The following ATF7IP variants were observed in gnomAD, a reference collection of about 807,000 sequenced individuals.
ATF7IP encodes the protein activating transcription factor 7-interacting protein 1.
A neutral mutation model predicts 106.4 loss-of-function variants in ATF7IP; 23 were observed. That is an observed-to-expected ratio of 0.22 (90% CI 0.16 to 0.31). ATF7IP has a LOEUF of 0.31. ATF7IP is among the 10% of genes least tolerant of loss of function. ATF7IP has a pLI of 1.00. For missense variants in ATF7IP, 1,334 were observed against 1,524.3 expected (o/e 0.88, Z 2.08); for synonymous variants, 542 against 539.0 (o/e 1.01, Z -0.08).
At chr12:14,443,552 A>G (rs566410378) in intron 5 of ATF7IP, among the ~76,000 whole-genome samples, 4 of 152,230 alleles carry the variant, frequency 2.6e-5, no homozygotes, top group Non-Finnish European at 4.4e-5. Context: ...CTGGTCATTC[A>G]TGGAAAAAAC....
intron 1 of ATF7IP, among the ~76,000 whole-genome samples, chr12:14,376,951 T>C (rs1020208709): frequency 1.3e-5 from 2 of 152,126 alleles, no homozygotes; most frequent in Admixed American, 6.6e-5. Context: ...GATGCAATTT[T>C]TGTTCCCTGT....
chr12:14,479,936 A>T (rs765781046), intron 12 of ATF7IP, among the ~76,000 whole-genome samples: 9 of 152,148 alleles, frequency 5.9e-5, no homozygotes, highest in Non-Finnish European at 1.0e-4. Context: ...AAAATTAGAT[A>T]TTTTGGAAGG....
intron 9 of ATF7IP, among the ~76,000 whole-genome samples, chr12:14,462,238 G>C (rs2136729921): frequency 6.6e-6 from 1 of 152,162 alleles, no homozygotes; most frequent in South Asian, 2.1e-4. Context: ...GCAAATGTTT[G>C]TTAGTGTTAT....
chr12:14,485,178 C>G (rs1944559735), intron 13 of ATF7IP, among the ~76,000 whole-genome samples: 1 of 152,076 alleles, frequency 6.6e-6, no homozygotes, highest in Non-Finnish European at 1.5e-5. Context: ...TAGCATGGAC[C>G]TGTTGCAGAG....
At chr12:14,409,687 A>G (rs1039371899) in intron 1 of ATF7IP, among the ~76,000 whole-genome samples, 4 of 152,160 alleles carry the variant, frequency 2.6e-5, no homozygotes, top group Admixed American at 2.6e-4. Context: ...AGATGAGGAC[A>G]TAAGAGAACA....
At chr12:14,469,371 A>C (rs1013475665) in intron 10 of ATF7IP, among the ~76,000 whole-genome samples, 1 of 151,558 alleles carries the variant, frequency 6.6e-6, no homozygotes, top group African/African-American at 2.4e-5. Flanking sequence ...TCAAAAAAAA[A>C]AAAAAAAAAA....
chr12:14,405,962 G>A (rs1940556010), intron 1 of ATF7IP, among the ~76,000 whole-genome samples: 1 of 152,018 alleles, frequency 6.6e-6, no homozygotes, highest in South Asian at 2.1e-4. Context: ...TGCTTTTCTT[G>A]AAACAAAACT....
intron 1 of ATF7IP, among the ~76,000 whole-genome samples, chr12:14,405,909 G>A (rs1940553618): frequency 6.6e-6 from 1 of 152,162 alleles, no homozygotes; most frequent in South Asian, 2.1e-4. Context: ...GGTATGTGAT[G>A]TGTAACTGCT....
intron 1 of ATF7IP, among the ~76,000 whole-genome samples, chr12:14,416,553 T>C (rs75013034): frequency 0.011 from 1,698 of 152,306 alleles, 25 homozygotes; most frequent in East Asian, 0.062. Flanking sequence ...GTGTTGTATA[T>C]GCTTTTTGAC....
chr12:14,403,190 A>G (rs371640590), intron 1 of ATF7IP, among the ~76,000 whole-genome samples: 4 of 151,890 alleles, frequency 2.6e-5, no homozygotes, highest in East Asian at 1.9e-4. Flanking sequence ...TCAGTGAATG[A>G]GTGTTGAAAC....
chr12:14,391,714 TTTTG>T (rs759483691), intron 1 of ATF7IP, among the ~76,000 whole-genome samples: 82 of 152,170 alleles, frequency 5.4e-4, no homozygotes, highest in Middle Eastern at 3.4e-3. Context: ...GTCTTAGGTA[TTTTG>T]TTTGTTTGTT....
At chr12:14,494,709 G>C (rs1944955647) in intron 13 of ATF7IP, among the ~76,000 whole-genome samples, 1 of 151,294 alleles carries the variant, frequency 6.6e-6, no homozygotes, top group Non-Finnish European at 1.5e-5. Context: ...AAGGCAGGCA[G>C]ATCACTTGAG....
chr12:14,450,780 A>G (rs754786942), intron 6 of ATF7IP, among the ~76,000 whole-genome samples: 1 of 152,014 alleles, frequency 6.6e-6, no homozygotes, highest in Admixed American at 6.6e-5. Context: ...TGTTAATTTT[A>G]TTTTTAAAAT....
intron 10 of ATF7IP, among the ~76,000 whole-genome samples, chr12:14,468,272 C>CAAAAAAA: frequency 1.5e-5 from 1 of 65,722 alleles, no homozygotes; most frequent in Non-Finnish European, 3.3e-5. Flanking sequence ...CATCCCATCT[C>CAAAAAAA]AAAAAAAAAA....
In ATF7IP at chr12:14,373,092, C is replaced by T. The variant is rs11055955; in HGVS notation, c.-8+7265C>T. On this transcript the variant is annotated intron_variant, in intron 1 of 14. Coordinates refer to ENST00000261168, the MANE Select transcript of ATF7IP (RefSeq NM_018179.5). ...GATGACTTGACTGCTGCAGCTTATT[C>T]CCAGCTAAGGCTTTGGAGCCTTAGA... 5.5e-3 allele frequency among the ~76,000 whole-genome samples: 838 copies of T among 152,242 alleles called. 9 individuals carry two copies. Among genetic ancestry groups the T allele is most frequent in the African/African-American group, 0.018 (758 of 41,550 alleles).
intron 1 of ATF7IP, among the ~76,000 whole-genome samples, chr12:14,417,867 G>T (rs938734022): frequency 2.6e-5 from 4 of 152,138 alleles, no homozygotes; most frequent in African/African-American, 9.7e-5. Context: ...TCTGTCTCCT[G>T]TTGCTGGGCA....
At chr12:14,375,151 A>G (rs1264836997) in intron 1 of ATF7IP, among the ~76,000 whole-genome samples, 1 of 151,848 alleles carries the variant, frequency 6.6e-6, no homozygotes, top group East Asian at 1.9e-4. Context: ...GAAAAAAAAA[A>G]GGGAATAAGA....
At chr12:14,401,499 T>G (rs577665867) in intron 1 of ATF7IP, among the ~76,000 whole-genome samples, 6 of 151,246 alleles carry the variant, frequency 4.0e-5, no homozygotes, top group African/African-American at 1.5e-4. Flanking sequence ...GCCTGGCCTT[T>G]CTTTCTTGTT....
rs968659080 is a variant in ATF7IP, at chr12:14,500,510, A to G, written c.*2437A>G. 3.3e-5 allele frequency: 5 copies of G among 152,310 alleles called. No homozygotes were observed. Among genetic ancestry groups the G allele is most frequent in the African/African-American group, 1.2e-4 (5 of 41,562 alleles). The allele number at this position is 152,310 out of a possible 1,614,324, so 9.4% of individuals were successfully genotyped here. ...AGAAAGGAGGAGTTGATGATCTTCT[A>G]GATGTATATGAACACCTGTCTATAT... On this transcript the variant is annotated 3_prime_UTR_variant, in exon 15 of 15. Transcript: ENST00000261168.
Sources: allele counts gnomAD v4.1 joint callset (sites outside exome capture counted in the v4.1 genomes callset), GRCh38; gene constraint gnomAD v4.1.1; transcripts MANE v1.5; gene names NCBI Gene and HGNC (gene_info 2026-07-23, HGNC 2026-07-21).